The following ATF2 variants were observed in gnomAD, a reference collection of about 807,000 sequenced individuals.
ATF2 encodes activating transcription factor 2.
ATF2 carries 24 observed loss-of-function variants against 60.6 expected under a neutral mutation model. The observed-to-expected ratio is 0.40, with a 90% CI of 0.29 to 0.56. The LOEUF (loss-of-function observed/expected upper bound fraction) is 0.56, where lower values mean the gene tolerates loss of function less well. Among genes scored for constraint, ATF2 ranks in the 20% least tolerant of loss-of-function variants. The pLI, the probability that ATF2 is intolerant of heterozygous loss-of-function variation, is 0.54. For missense variants in ATF2, 433 were observed against 607.7 expected, an observed-to-expected ratio of 0.71 and a Z score of 3.02; for synonymous variants, 206 against 215.4, an observed-to-expected ratio of 0.96 and a Z score of 0.38.
rs755517050 is a variant in ATF2 at position 175,136,405 on chromosome 2, C to T, written c.32+7G>A. The T allele has an allele frequency of 1.2e-6, 2 of 1,609,274 alleles. No individual in the cohort carries two copies. The highest frequency in any genetic ancestry group is 1.7e-6 in the Non-Finnish European group (2 of 1,177,870). On this transcript the variant is annotated splice_region_variant and intron_variant, in intron 3 of 13. Coordinates refer to ENST00000264110, the MANE Select transcript of ATF2 (RefSeq NM_001880.4). ...ATGGCTAAAAATACCAAATATTGCA[C>T]ACATACCTGGCAGAATTCACATGTA...
intron 12 of ATF2, among the ~76,000 whole-genome samples, chr2:175,082,158 A>T (rs752083811): frequency 1.3e-5 from 2 of 152,218 alleles, no homozygotes; most frequent in Non-Finnish European, 2.9e-5. Context: ...ATCTAAAGGC[A>T]AGTCTATTGG....
intron 1 of ATF2, among the ~76,000 whole-genome samples, chr2:175,154,623 C>T (rs1699547427): frequency 6.6e-6 from 1 of 152,222 alleles, no homozygotes; most frequent in South Asian, 2.1e-4. Context: ...AAGACAAATG[C>T]TATACTTTTA....
chr2:175,085,787 C>T (rs1236868259), intron 12 of ATF2, among the ~76,000 whole-genome samples: 1 of 152,104 alleles, frequency 6.6e-6, no homozygotes, highest in Non-Finnish European at 1.5e-5. Context: ...TGAAGAGGTA[C>T]AGTACTTGAT....
At chr2:175,083,584 G>A (rs1693922065) in intron 12 of ATF2, among the ~76,000 whole-genome samples, 1 of 152,106 alleles carries the variant, frequency 6.6e-6, no homozygotes, top group East Asian at 1.9e-4. Flanking sequence ...ATAGGCATGG[G>A]CAAAGACTTC....
At chr2:175,148,558 G>A (rs1699099740) in intron 2 of ATF2, among the ~76,000 whole-genome samples, 2 of 152,090 alleles carry the variant, frequency 1.3e-5, no homozygotes, top group African/African-American at 4.8e-5. Context: ...GCCATGATGG[G>A]AAGTGGAGGT....
chr2:175,106,929 CGAG>C (rs1278880674), intron 10 of ATF2, among the ~76,000 whole-genome samples: 1 of 152,002 alleles, frequency 6.6e-6, no homozygotes, highest in Non-Finnish European at 1.5e-5. Context: ...TTTGGGAGGC[CGAG>C]GAGGGTGGAT....
intron 3 of ATF2, 122 bp from the exon 4 acceptor site, chr2:175,130,329 C>A: frequency 1.8e-6 from 1 of 547,300 alleles, no homozygotes; most frequent in South Asian, 6.0e-5. Flanking sequence ...AAATAAAACA[C>A]TTTTCTGACA....
At chr2:175,132,117 C>T (rs1158101265) in intron 3 of ATF2, among the ~76,000 whole-genome samples, 1 of 152,056 alleles carries the variant, frequency 6.6e-6, no homozygotes, top group Non-Finnish European at 1.5e-5. Context: ...GGCATCAAAT[C>T]CTTGTGAGAT....
At chr2:175,075,021 C>A in intron 13 of ATF2, 186 bp from the exon 14 acceptor site, 1 of 1,468,108 alleles carries the variant, frequency 6.8e-7, no homozygotes, top group Non-Finnish European at 9.0e-7. Context: ...CAAAAGAAGG[C>A]ACAACCATGC....
chr2:175,106,906 G>A (rs529994232), intron 10 of ATF2, among the ~76,000 whole-genome samples: 21 of 152,248 alleles, frequency 1.4e-4, no homozygotes, highest in Admixed American at 7.2e-4. Flanking sequence ...TCTCATGCCC[G>A]TAATCCCAGT....
chr2:175,126,271 T>C (rs1288251134), intron 4 of ATF2, among the ~76,000 whole-genome samples: 2 of 152,240 alleles, frequency 1.3e-5, no homozygotes, highest in African/African-American at 2.4e-5. Context: ...CTGTGCTACA[T>C]TCTCCTCCTC....
chr2:175,105,894 TCA>T (rs1276917323), intron 10 of ATF2, among the ~76,000 whole-genome samples: 2 of 151,942 alleles, frequency 1.3e-5, no homozygotes. Context: ...TCTAAATAAC[TCA>T]CAGGTCAAAG....
intron 10 of ATF2, among the ~76,000 whole-genome samples, chr2:175,107,724 C>T (rs1435299546): frequency 6.6e-6 from 1 of 152,220 alleles, no homozygotes; most frequent in Non-Finnish European, 1.5e-5. Context: ...CGCCGCCACG[C>T]CTGACTGGTT....
chr2:175,144,120 T>A (rs990708212), intron 2 of ATF2, among the ~76,000 whole-genome samples: 19 of 152,088 alleles, frequency 1.2e-4, no homozygotes, highest in Middle Eastern at 3.4e-3. Flanking sequence ...TAAAAAAAAA[T>A]GTTAGTTAAA....
chr2:175,108,439 A>G (rs1433277090), intron 10 of ATF2, among the ~76,000 whole-genome samples: 1 of 145,748 alleles, frequency 6.9e-6, no homozygotes, highest in Non-Finnish European at 1.5e-5. Flanking sequence ...CCGCCCGGCC[A>G]GCAGCCCCGT....
chr2:175,140,934 C>A (rs1281013133), intron 2 of ATF2, among the ~76,000 whole-genome samples: 1 of 129,656 alleles, frequency 7.7e-6, no homozygotes, highest in African/African-American at 2.9e-5. Context: ...GATTTTGAGA[C>A]TGCAGTGAAC....
chr2:175,131,925 T>A (rs1219916690), intron 3 of ATF2, among the ~76,000 whole-genome samples: 1 of 152,220 alleles, frequency 6.6e-6, no homozygotes, highest in Non-Finnish European at 1.5e-5. Flanking sequence ...ACTCACTGCA[T>A]GTTAACACAT....
At chr2:175,081,788 C>T (rs562077750) in intron 12 of ATF2, among the ~76,000 whole-genome samples, 52 of 152,204 alleles carry the variant, frequency 3.4e-4, no homozygotes, top group Non-Finnish European at 6.5e-4. Context: ...CGGTGGCTCA[C>T]GCCTGTGATC....
At chr2:175,147,628 C>G (rs992149418) in intron 2 of ATF2, among the ~76,000 whole-genome samples, 6 of 152,144 alleles carry the variant, frequency 3.9e-5, no homozygotes, top group African/African-American at 1.4e-4. Flanking sequence ...ATTTCACTAC[C>G]TATTTTGTAT....
Sources: allele counts gnomAD v4.1 joint callset (sites outside exome capture counted in the v4.1 genomes callset), GRCh38; gene constraint gnomAD v4.1.1; transcripts MANE v1.5; gene names NCBI Gene and HGNC (gene_info 2026-07-23, HGNC 2026-07-21).